The following ARHGEF40 variants were observed in gnomAD, a reference collection of about 807,000 sequenced individuals.
ARHGEF40 encodes the protein Rho guanine nucleotide exchange factor 40, also known as Rho guanine nucleotide exchange factor (GEF) 40.
A neutral mutation model predicts 165.9 loss-of-function variants in ARHGEF40; 98 were observed. The observed-to-expected ratio is 0.59, with a 90% CI of 0.50 to 0.70. The LOEUF is 0.70. Ranked by LOEUF, ARHGEF40 falls within the 30% of genes least tolerant of loss-of-function variation. ARHGEF40 has a pLI of 0.00. For missense variants in ARHGEF40, 1,815 were observed against 1,968.0 expected (o/e 0.92, Z 1.47); for synonymous variants, 792 against 814.3 (o/e 0.97, Z 0.47).
In ARHGEF40 at chr14:21,074,644, C is replaced by T. The variant is rs1382001470; in HGVS notation, c.914C>T (p.Pro305Leu). 1.9e-6 allele frequency: 3 copies of T among 1,565,926 alleles called. No homozygotes were observed. Among genetic ancestry groups the T allele is most frequent in the Non-Finnish European group, 2.6e-6 (3 of 1,156,902 alleles). Residue 305 changes from proline to leucine, a missense_variant, in exon 3 of 24, where the codon CCA (proline) becomes CTA (leucine). Pro to Leu is a moderately conservative substitution (Grantham distance 98). Transcript: ENST00000298694. The surrounding 1 kb of genome is among the most constrained non-coding windows in gnomAD (Gnocchi z 4.8). ...LGPRGQDGARPPGEGSSTGAS... is the reference protein window; with the variant it reads ...LGPRGQDGARLPGEGSSTGAS... ...CCTCGGGGCCAGGATGGAGCACGCCCACCCGGCGAGGGGAGCAGCACCGGA... is the reference window on the plus strand; with the variant it reads ...CCTCGGGGCCAGGATGGAGCACGCCTACCCGGCGAGGGGAGCAGCACCGGA...
At chr14:21,063,839 A>C in the ARHGEF40 span, among the ~76,000 whole-genome samples, 1 of 152,228 alleles carries the variant, frequency 6.6e-6, no homozygotes, top group Non-Finnish European at 1.5e-5. Flanking sequence ...AAGCTCTCTC[A>C]TTATGCTTAA....
Position 21,072,783 on chromosome 14 carries a change from G to A in ARHGEF40, c.4-262G>A, listed in dbSNP as rs778603995. On this transcript the variant is annotated intron_variant, in intron 1 of 23. Transcript: ENST00000298694. The surrounding 1 kb of genome is among the most constrained non-coding windows in gnomAD (Gnocchi z 4.1). Reference sequence around the variant, plus strand: ...GCACCCGGAACAGCCCTGATCAGGGGCATTCACAACAAATTCTCCCTGGAT... The same window carrying A: ...GCACCCGGAACAGCCCTGATCAGGGACATTCACAACAAATTCTCCCTGGAT... 6.6e-6 allele frequency among the ~76,000 whole-genome samples: 1 copy of A among 152,184 alleles called. No homozygotes were observed. Among genetic ancestry groups the A allele is most frequent in the Admixed American group, 6.5e-5 (1 of 15,270 alleles).
rs764224246 is a variant in ARHGEF40, at chr14:21,078,200, G to A, written c.2058G>A (p.Leu686=). 5 of 1,613,996 alleles carry A rather than the reference G, an allele frequency of 3.1e-6. No individual in the cohort carries two copies. The Admixed American group carries it at 5.0e-5, about 16-fold the overall frequency. Residue 686 remains leucine, a synonymous_variant, in exon 9 of 24, where the codon CTG becomes CTA. Transcript: ENST00000298694. ...IHQEVVRLCR[L]CQGVLGSVRQ... ...AGGAAGTGGTAAGGCTATGTCGCCTGTGCCAAGGTGTGCTGGGCTCGGTAC... is the reference window on the plus strand; with the variant it reads ...AGGAAGTGGTAAGGCTATGTCGCCTATGCCAAGGTGTGCTGGGCTCGGTAC...
In ARHGEF40 at chr14:21,077,279, A is replaced by ATTTT. The variant is rs143561266; in HGVS notation, c.2034+406_2034+409dup. Among the ~76,000 whole-genome samples, 71 of 108,468 alleles carry ATTTT rather than the reference A, an allele frequency of 6.5e-4. 1 individual carries two copies. Among genetic ancestry groups the ATTTT allele is most frequent in the African/African-American group, 7.9e-4 (22 of 27,752 alleles). The allele number at this position is 108,468 out of a possible 152,430, so 71.2% of individuals were successfully genotyped here. On this transcript the variant is annotated intron_variant, in intron 8 of 23. Transcript: ENST00000298694. Reference sequence around the variant, plus strand: ...GCCACCACACCCACCTAGTTTTTGTATTTTTTTTTTTTTTTTTTTTGTAGA... The same window carrying ATTTT: ...GCCACCACACCCACCTAGTTTTTGTATTTTTTTTTTTTTTTTTTTTTTTTGTAGA...
Position 21,085,719 on chromosome 14 carries a change from G to C in ARHGEF40, c.3991G>C (p.Gly1331Arg). Reference sequence around the variant, plus strand: ...TGATATGGGGCTGACAGAAAACATCGGGGACAGCGGACTCTGCTTTGAGTT... The same window carrying C: ...TGATATGGGGCTGACAGAAAACATCCGGGACAGCGGACTCTGCTTTGAGTT... Reference protein sequence around the residue: ...TADMGLTENIGDSGLCFELWF... With the variant: ...TADMGLTENIRDSGLCFELWF... The change falls in exon 19 of 24, where the codon GGG becomes CGG. Residue 1331 changes from glycine (G) to arginine (R), a missense_variant. Physicochemically the swap from Gly to Arg is moderately radical, Grantham distance 125 (BLOSUM62 -2). Transcript: ENST00000298694. 1 of 1,614,086 alleles carries C rather than the reference G, an allele frequency of 6.2e-7. No individual in the cohort carries two copies. The highest frequency in any genetic ancestry group is 8.5e-7 in the Non-Finnish European group (1 of 1,180,040).
intron 16 of ARHGEF40, 65 bp from the exon 17 acceptor site, chr14:21,083,763 CCCCCCAA>C: frequency 7.0e-7 from 1 of 1,420,958 alleles, no homozygotes; most frequent in South Asian, 1.3e-5. Flanking sequence ...CACCCACCTA[CCCCCCAA>C]CCCCTGAGCT....
intron 13 of ARHGEF40, 27 bp downstream of exon 13, chr14:21,081,043 G>C: frequency 6.3e-7 from 1 of 1,596,256 alleles, no homozygotes; most frequent in Non-Finnish European, 8.5e-7. Flanking sequence ...TTCCTTCTGT[G>C]CCCCCCCATT....
At chr14:21,088,525 A>T (rs1474171460) in intron 22 of ARHGEF40, among the ~76,000 whole-genome samples, 1 of 151,210 alleles carries the variant, frequency 6.6e-6, no homozygotes, top group Non-Finnish European at 1.5e-5. Context: ...CAAAAAAAAA[A>T]AAATTAAATT....
intron 15 of ARHGEF40, 94 bp downstream of exon 15, chr14:21,082,572 CT>C: frequency 7.4e-7 from 1 of 1,360,340 alleles, no homozygotes; most frequent in Non-Finnish European, 9.8e-7. Context: ...CGGCCCTCTC[CT>C]CCCATGTGTG....
intron 18 of ARHGEF40, 35 bp from the exon 19 acceptor site, chr14:21,085,654 T>C (rs1480539239): frequency 6.2e-7 from 1 of 1,600,888 alleles, no homozygotes; most frequent in Non-Finnish European, 8.5e-7. Flanking sequence ...CAGGACTCAC[T>C]CTGTCTTCAC....
chr14:21,081,502 T>C lies in ARHGEF40; in HGVS notation c.2641-7T>C, dbSNP rs762280983. ...CTCTCCCATCCCCAACCCCTTTGAC[T>C]TCGTAGGCACATGAATGGGTGGATG... On this transcript the variant is annotated splice_region_variant and splice_polypyrimidine_tract_variant and intron_variant, in intron 13 of 23. Transcript: ENST00000298694. 1.2e-6 allele frequency: 2 copies of C among 1,612,656 alleles called. No homozygotes were observed. Among genetic ancestry groups the C allele is most frequent in the South Asian group, 2.2e-5 (2 of 90,990 alleles).
In ARHGEF40 at chr14:21,087,329, C is replaced by T; in HGVS notation, c.4253C>T (p.Thr1418Ile). 1.2e-6 allele frequency: 2 copies of T among 1,606,282 alleles called. No individual in the cohort carries two copies. Among genetic ancestry groups the T allele is most frequent in the Non-Finnish European group, 1.7e-6 (2 of 1,179,262 alleles). ...TCCCCACTCTCTGCAGCCGCCCGCA[C>T]CCGGGCCTCCGTGGCCGTGTCATCC... The part of the protein sequence containing the change: ...SALLTGRAAR[T>I]RASVAVSSFE... Residue 1418 changes from threonine (T) to isoleucine (I), a missense_variant, in exon 21 of 24, where the codon ACC (threonine) becomes ATC (isoleucine). Physicochemically the swap from Thr to Ile is moderately conservative, Grantham distance 89 (BLOSUM62 -1). Coordinates refer to ENST00000298694, the MANE Select transcript of ARHGEF40 (RefSeq NM_018071.5).
Position 21,078,286 on chromosome 14 carries a change from T to C in ARHGEF40, c.2130+14T>C. On this transcript the variant is annotated intron_variant, in intron 9 of 23. Transcript: ENST00000298694. The stretch of plus-strand genomic sequence containing the variant: ...CCAGAGGAAGAGGTATGAAATGAGA[T>C]GGGACAGTGGGGGGATGGGATTGGG... 1.9e-5 allele frequency: 31 copies of C among 1,611,404 alleles called. No individual in the cohort carries two copies. The highest frequency in any genetic ancestry group is 2.6e-5 in the Non-Finnish European group (31 of 1,178,592).
intron 11 of ARHGEF40, among the ~76,000 whole-genome samples, chr14:21,080,199 G>GACACACACAC (rs71112543): frequency 1.5e-5 from 2 of 135,414 alleles, no homozygotes; most frequent in South Asian, 2.5e-4. Flanking sequence ...ATTAAAGCCG[G>GACACACACAC]ACACACACAC....
At position 21,081,583 on chromosome 14, in the gene ARHGEF40, A is replaced by G; in HGVS notation, c.2715A>G (p.Ala905=). The G allele has an allele frequency of 6.2e-7, 1 of 1,612,110 alleles. No homozygotes were observed. Among genetic ancestry groups the G allele is most frequent in the Non-Finnish European group, 8.5e-7 (1 of 1,179,624 alleles). The part of the protein sequence containing the change: ...AGPGREAVLA[A]LALRRAPEPS... ...CGGGTCGGGAGGCTGTGCTGGCTGC[A>G]CTGGCCCTGCGGCGGGCCCCAGAGC... Residue 905 remains alanine (A), a synonymous_variant, in exon 14 of 24, where the codon GCA becomes GCG. Transcript: ENST00000298694.
rs1159874679 is a variant in ARHGEF40, at chr14:21,088,188, G to A, written c.4518+90G>A. ...CTGATCATTCAACCCCAGGGGGGTTGGGGGAAAACTGTGAACTTGTGCTCC... is the reference window on the plus strand; with the variant it reads ...CTGATCATTCAACCCCAGGGGGGTTAGGGGAAAACTGTGAACTTGTGCTCC... On this transcript the variant is annotated intron_variant, in intron 22 of 23. Transcript: ENST00000298694. 5 of 1,464,486 alleles carry A rather than the reference G, an allele frequency of 3.4e-6. No homozygotes were observed. In the African/African-American group the frequency reaches 4.3e-5, roughly 13 times the overall value. 90.7% of individuals were successfully genotyped at this position (1,464,486 alleles called of 1,614,324 possible). A position where few individuals can be genotyped will look rare whatever the true frequency, so the allele number is the denominator to read the frequency against.
chr14:21,082,651 C>A (rs1888016664), intron 15 of ARHGEF40, among the ~76,000 whole-genome samples, 173 bp downstream of exon 15: 1 of 152,256 alleles, frequency 6.6e-6, no homozygotes, highest in Non-Finnish European at 1.5e-5. Flanking sequence ...CTGCGCCCTG[C>A]TCTCAAGAGC....
At position 21,070,366 on chromosome 14, in the gene ARHGEF40, C is replaced by T. The variant is rs1886612168; in HGVS notation, c.-31C>T. ...GGCGCGCCCGGCCCCGCCCGCCCGA[C>T]CAAGCGTCGGACGCGGCCCGGCGCC... On this transcript the variant is annotated 5_prime_UTR_variant, in exon 1 of 24. Coordinates refer to ENST00000298694, the MANE Select transcript of ARHGEF40 (RefSeq NM_018071.5). The surrounding 1 kb of genome is among the most constrained non-coding windows in gnomAD (Gnocchi z 4.7). 1 of 1,407,456 alleles carries T rather than the reference C, an allele frequency of 7.1e-7. No individual in the cohort carries two copies. Among genetic ancestry groups the T allele is most frequent in the Non-Finnish European group, 9.2e-7 (1 of 1,088,286 alleles). The allele number at this position is 1,407,456 out of a possible 1,614,324, so 87.2% of individuals were successfully genotyped here. A position where few individuals can be genotyped will look rare whatever the true frequency, so the allele number is the denominator to read the frequency against.
At chr14:21,070,280 C>A, upstream of ARHGEF40, 1 of 1,117,500 alleles carries the variant, frequency 8.9e-7, no homozygotes, top group South Asian at 4.2e-5. This position sits in a 1 kb window ranked among gnomAD's most constrained non-coding sequence, Gnocchi z 4.7. Context: ...GAGCCGCCAC[C>A]GCGGCCGGAG....
Sources: allele counts gnomAD v4.1 joint callset (sites outside exome capture counted in the v4.1 genomes callset), GRCh38; gene constraint gnomAD v4.1.1; non-coding constraint Gnocchi (gnomAD v3.1); transcripts MANE v1.5; gene names NCBI Gene and HGNC (gene_info 2026-07-23, HGNC 2026-07-21).